The following CHMP4B variants were observed in gnomAD, a reference collection of about 807,000 sequenced individuals.
CHMP4B encodes the protein charged multivesicular body protein 4B, also known as SNF7 homolog associated with Alix 1.
CHMP4B carries 1 observed loss-of-function variant against 25.1 expected under a neutral mutation model. The ratio of observed to expected loss-of-function variants is 0.04; its 90% CI spans 0.01 to 0.19. CHMP4B has a LOEUF of 0.19. CHMP4B is among the 10% of genes least tolerant of loss of function. The pLI, the probability that CHMP4B is intolerant of heterozygous loss-of-function variation, is 1.00. For synonymous variants in CHMP4B, 101 were observed against 115.6 expected (o/e 0.87, Z 0.81); for missense variants, 151 against 289.7 (o/e 0.52, Z 3.48).
intron 2 of CHMP4B, among the ~76,000 whole-genome samples, chr20:33,849,577 G>A (rs1053004189): frequency 2.0e-5 from 3 of 152,114 alleles, no homozygotes; most frequent in African/African-American, 7.3e-5. Context: ...CAGCCTGGGC[G>A]ACAGAGTGAG....
At chr20:33,812,433 C>A (rs1455709279) in intron 1 of CHMP4B, among the ~76,000 whole-genome samples, 2 of 152,186 alleles carry the variant, frequency 1.3e-5, no homozygotes, top group African/African-American at 4.8e-5. Context: ...ATAGAGACTC[C>A]CGACTGCTCC....
chr20:33,832,942 C>T (rs1979295567), intron 1 of CHMP4B, among the ~76,000 whole-genome samples: 1 of 135,494 alleles, frequency 7.4e-6, no homozygotes, highest in Admixed American at 7.9e-5. Flanking sequence ...CCATGCCTGG[C>T]TAATTAAAAA....
At chr20:33,830,964 AGGGTC>A in intron 1 of CHMP4B, among the ~76,000 whole-genome samples, 1 of 50,410 alleles carries the variant, frequency 2.0e-5, no homozygotes, top group East Asian at 4.1e-3. Context: ...TTTTTGAGAC[AGGGTC>A]CTGCTCTGTC....
chr20:33,845,479 T>C (rs1314365658), intron 1 of CHMP4B, among the ~76,000 whole-genome samples: 1 of 152,074 alleles, frequency 6.6e-6, no homozygotes, highest in Non-Finnish European at 1.5e-5. Flanking sequence ...CGCGCCACCA[T>C]GTCCGGCTAA....
chr20:33,823,445 C>T (rs1979001386), intron 1 of CHMP4B, among the ~76,000 whole-genome samples: 1 of 152,230 alleles, frequency 6.6e-6, no homozygotes. Flanking sequence ...GATCATGGCT[C>T]ACTGTAGCCT....
At chr20:33,830,883 A>T (rs1216964275) in intron 1 of CHMP4B, among the ~76,000 whole-genome samples, 1 of 148,704 alleles carries the variant, frequency 6.7e-6, no homozygotes, top group Non-Finnish European at 1.5e-5. Flanking sequence ...TATTTTCTAA[A>T]CAATCAGATT....
At chr20:33,837,986 G>C (rs1176858655) in intron 1 of CHMP4B, among the ~76,000 whole-genome samples, 1 of 152,202 alleles carries the variant, frequency 6.6e-6, no homozygotes, top group Non-Finnish European at 1.5e-5. Context: ...CCTTGATGAG[G>C]AGTCTGAGGC....
chr20:33,811,639 C>T lies in CHMP4B; in HGVS notation c.171C>T (p.His57=), dbSNP rs779723665. 39 of 1,613,718 alleles carry T rather than the reference C, an allele frequency of 2.4e-5. No individual in the cohort carries two copies. The South Asian group carries it at 3.8e-4, about 16-fold the overall frequency. Residue 57 remains histidine (H), a synonymous_variant, in exon 1 of 5, where the codon CAC becomes CAT. Transcript: ENST00000217402. ...IEQELTAAKK[H]GTKNKRAALQ... is the part of the protein sequence containing the mutation. The stretch of plus-strand genomic sequence containing the variant: ...AGGAGCTGACGGCCGCCAAGAAGCA[C>T]GGCACCAAAAACAAGCGCGGTGAGG...
chr20:33,835,790 C>T (rs1193563688), intron 1 of CHMP4B, among the ~76,000 whole-genome samples: 2 of 152,298 alleles, frequency 1.3e-5, no homozygotes, highest in African/African-American at 4.8e-5. Context: ...CTGCTGCTGG[C>T]GAGGGCTCAG....
At chr20:33,830,810 G>C (rs886106077) in intron 1 of CHMP4B, among the ~76,000 whole-genome samples, 2 of 151,904 alleles carry the variant, frequency 1.3e-5, no homozygotes, top group African/African-American at 4.8e-5. Flanking sequence ...GACTACTTTA[G>C]GACCCGTGAG....
chr20:33,836,265 C>A (rs1269587306), intron 1 of CHMP4B, among the ~76,000 whole-genome samples: 6 of 151,992 alleles, frequency 3.9e-5, no homozygotes, highest in African/African-American at 1.5e-4. Flanking sequence ...GTAAATTTTG[C>A]CTTGTTGGGT....
In CHMP4B at chr20:33,852,715, G is replaced by A. The variant is rs569375372; in HGVS notation, c.610+512G>A. On this transcript the variant is annotated intron_variant, in intron 4 of 4. Transcript: ENST00000217402. ...AGGCACTGTGAGAAGGTGTGAGAGC[G>A]TGAGTCCAGGACAGCTCTTTCCCTG... 3.2e-4 allele frequency among the ~76,000 whole-genome samples: 49 copies of A among 152,262 alleles called. No individual in the cohort carries two copies. The South Asian group carries it at 5.0e-3, about 15-fold the overall frequency.
chr20:33,838,432 T>G (rs117732424), intron 1 of CHMP4B, among the ~76,000 whole-genome samples: 1 of 152,186 alleles, frequency 6.6e-6, no homozygotes, highest in Non-Finnish European at 1.5e-5. Flanking sequence ...TGCTCTGCTC[T>G]AGTGGATCGT....
chr20:33,845,676 G>A (rs1053511092), intron 1 of CHMP4B, among the ~76,000 whole-genome samples: 1 of 152,226 alleles, frequency 6.6e-6, no homozygotes, highest in Non-Finnish European at 1.5e-5. Flanking sequence ...GATGGAGCTG[G>A]CTGGAGGGGA....
intron 1 of CHMP4B, among the ~76,000 whole-genome samples, chr20:33,824,696 A>G (rs578089400): frequency 6.6e-6 from 1 of 152,242 alleles, no homozygotes; most frequent in Non-Finnish European, 1.5e-5. Flanking sequence ...GGACTGGATA[A>G]TTTTTTTGTT....
intron 1 of CHMP4B, among the ~76,000 whole-genome samples, chr20:33,813,541 T>C (rs1601313905): frequency 1.3e-5 from 2 of 152,122 alleles, no homozygotes; most frequent in East Asian, 3.8e-4. Flanking sequence ...AACAGGGTTA[T>C]ATTTTGCTGT....
intron 1 of CHMP4B, among the ~76,000 whole-genome samples, chr20:33,837,620 C>T (rs1979426611): frequency 6.6e-6 from 1 of 152,186 alleles, no homozygotes; most frequent in Non-Finnish European, 1.5e-5. Context: ...CCTTTGCTTC[C>T]TGAGTGACAT....
At chr20:33,822,491 C>T (rs1978970106) in intron 1 of CHMP4B, among the ~76,000 whole-genome samples, 2 of 152,190 alleles carry the variant, frequency 1.3e-5, no homozygotes, top group Non-Finnish European at 2.9e-5. Context: ...TTCATCTCTC[C>T]AAAGCATGTT....
chr20:33,851,892 G>A (rs1979860667), intron 3 of CHMP4B, among the ~76,000 whole-genome samples, 185 bp from the exon 4 acceptor site: 1 of 152,174 alleles, frequency 6.6e-6, no homozygotes, highest in Non-Finnish European at 1.5e-5. Flanking sequence ...GTGCAGCAGT[G>A]ATACGTTCCC....
Sources: allele counts gnomAD v4.1 joint callset (sites outside exome capture counted in the v4.1 genomes callset), GRCh38; gene constraint gnomAD v4.1.1; transcripts MANE v1.5; gene names NCBI Gene and HGNC (gene_info 2026-07-23, HGNC 2026-07-21).